Variants in MYH15 observed in about 807,000 individuals in gnomAD.
MYH15 encodes myosin-15.
In MYH15, 227 loss-of-function variants were observed where a neutral mutation model predicts 240.5. The observed-to-expected ratio is 0.94, with a 90% CI of 0.85 to 1.05. MYH15 has a LOEUF of 1.05. MYH15 is among the 50% of genes least tolerant of loss of function. The pLI is 0.00. For missense variants in MYH15, 2,217 were observed against 2,247.5 expected (o/e 0.99, Z 0.27); for synonymous variants, 785 against 796.7 (o/e 0.99, Z 0.25).
chr3:108,538,455 C>A, the MYH15 span, among the ~76,000 whole-genome samples: 1 of 152,152 alleles, frequency 6.6e-6, no homozygotes, highest in South Asian at 2.1e-4. Flanking sequence ...AAGAAGTAAA[C>A]CTCTTTAATT....
intron 37 of MYH15, 49 bp from the exon 38 acceptor site, chr3:108,389,123 A>C (rs898758950): frequency 1.3e-6 from 2 of 1,512,670 alleles, no homozygotes; most frequent in Non-Finnish European, 1.8e-6. Flanking sequence ...CAAGTCTGGC[A>C]TTCTATTTGC....
intron 9 of MYH15, among the ~76,000 whole-genome samples, chr3:108,488,770 T>C (rs546967497): frequency 6.6e-6 from 1 of 152,358 alleles, no homozygotes; most frequent in South Asian, 2.1e-4. Flanking sequence ...CTCTTCAGGA[T>C]ACTGAGTTCA....
At chr3:108,490,581 A>G (rs2083338660) in intron 9 of MYH15, among the ~76,000 whole-genome samples, 1 of 151,908 alleles carries the variant, frequency 6.6e-6, no homozygotes, top group South Asian at 2.1e-4. Flanking sequence ...TACCCTCTCT[A>G]CTCTACCACC....
At chr3:108,547,235 C>T in the MYH15 span, among the ~76,000 whole-genome samples, 5 of 151,940 alleles carry the variant, frequency 3.3e-5, no homozygotes, top group African/African-American at 1.2e-4. Context: ...ACCCCTGCCT[C>T]AAATGATCTG....
intron 24 of MYH15, among the ~76,000 whole-genome samples, chr3:108,439,469 C>T (rs2082867710): frequency 6.6e-6 from 1 of 152,180 alleles, no homozygotes; most frequent in South Asian, 2.1e-4. Flanking sequence ...AGTGATAACC[C>T]TTTACCATTC....
intron 12 of MYH15, among the ~76,000 whole-genome samples, chr3:108,472,872 T>C (rs111875351): frequency 8.2e-4 from 125 of 152,324 alleles, no homozygotes; most frequent in Middle Eastern, 3.4e-3. Flanking sequence ...AATCTATATT[T>C]CCACTTTTCA....
At position 108,396,564 on chromosome 3, in the gene MYH15, C is replaced by T. The variant is rs547489558; in HGVS notation, c.5133+2073G>A. Among the ~76,000 whole-genome samples the T allele has an allele frequency of 6.4e-4, 98 of 152,276 alleles. 1 individual carries two copies. The highest frequency in any genetic ancestry group is 1.0e-3 in the South Asian group (5 of 4,824). On this transcript the variant is annotated intron_variant, in intron 35 of 40. Coordinates refer to ENST00000693548, the MANE Select transcript of MYH15 (RefSeq NM_014981.3). ...AGCCCAGTTCCTAATAGGCCCCAGA[C>T]CTGTACTGGTCTGTGGCCCAGGGAT...
At chr3:108,437,751 C>A in intron 24 of MYH15, 52 bp from the exon 25 acceptor site, 1 of 1,542,224 alleles carries the variant, frequency 6.5e-7, no homozygotes, top group Non-Finnish European at 8.7e-7. Flanking sequence ...GTTTATACTT[C>A]ACTAGATGTG....
intron 33 of MYH15, among the ~76,000 whole-genome samples, chr3:108,402,293 G>T (rs1035187517): frequency 6.6e-6 from 1 of 152,208 alleles, no homozygotes; most frequent in Admixed American, 6.5e-5. Flanking sequence ...GACAATAAAA[G>T]AAACCAAGTC....
rs147130809 is a variant in MYH15, at chr3:108,503,991, T to C, written c.195+1732A>G. On this transcript the variant is annotated intron_variant, in intron 2 of 40. Transcript: ENST00000693548. ...TAAAAAGGAATGAAATATTTATTCA[T>C]GTGACAATGTGAGTGAACCTCAAAA... is the stretch of plus-strand genomic sequence containing the variant. Among the ~76,000 whole-genome samples, 580 of 152,342 alleles carry C rather than the reference T, an allele frequency of 3.8e-3. 11 individuals carry two copies. The highest frequency in any genetic ancestry group is 0.026 in the Admixed American group (391 of 15,298).
At chr3:108,387,570 T>C (rs2082393193) in intron 38 of MYH15, among the ~76,000 whole-genome samples, 1 of 151,798 alleles carries the variant, frequency 6.6e-6, no homozygotes, top group African/African-American at 2.4e-5. Flanking sequence ...CATAATGAAG[T>C]TGTTTACAGA....
At chr3:108,386,941 A>G (rs2082387780) in intron 38 of MYH15, among the ~76,000 whole-genome samples, 1 of 152,128 alleles carries the variant, frequency 6.6e-6, no homozygotes, top group African/African-American at 2.4e-5. Context: ...GACCTTCTAT[A>G]GCAGTTACAA....
At chr3:108,436,637 C>G (rs900856472) in intron 25 of MYH15, among the ~76,000 whole-genome samples, 2 of 152,280 alleles carry the variant, frequency 1.3e-5, no homozygotes, top group Admixed American at 6.5e-5. Flanking sequence ...CTCCTGGGTT[C>G]AAGCGATTCT....
At chr3:108,537,657 A>C in the MYH15 span, among the ~76,000 whole-genome samples, 1 of 152,218 alleles carries the variant, frequency 6.6e-6, no homozygotes, top group Non-Finnish European at 1.5e-5. Flanking sequence ...TGGACTTCCC[A>C]GATTCCAGAA....
the MYH15 span, among the ~76,000 whole-genome samples, chr3:108,547,782 GCAAC>G: frequency 3.9e-5 from 6 of 151,994 alleles, no homozygotes; most frequent in African/African-American, 1.5e-4. Flanking sequence ...TATCCACTTG[GCAAC>G]CAACCATCAA....
At chr3:108,402,106 T>C (rs542048523) in intron 33 of MYH15, among the ~76,000 whole-genome samples, 8 of 146,200 alleles carry the variant, frequency 5.5e-5, no homozygotes, top group Admixed American at 2.0e-4. Flanking sequence ...AATCTATGTA[T>C]GAGAAATAAG....
chr3:108,492,994 A>T, intron 8 of MYH15, 120 bp downstream of exon 8: 1 of 739,546 alleles, frequency 1.4e-6, no homozygotes, highest in Non-Finnish European at 2.2e-6. Context: ...AGAACGAGAG[A>T]GAGAGAAAAG....
chr3:108,410,464 A>C (rs2082580293), intron 31 of MYH15, 119 bp downstream of exon 31: 1 of 628,360 alleles, frequency 1.6e-6, no homozygotes, highest in Non-Finnish European at 2.5e-6. Context: ...CAGAAGTATA[A>C]AAATTGAAAA....
Position 108,470,817 on chromosome 3 carries a change from AC to A in MYH15, c.1263del (p.Lys421AsnfsTer11). On this transcript the variant is annotated frameshift_variant, in exon 13 of 41. Transcript: ENST00000693548. LOFTEE classifies it high-confidence loss of function. The stretch of plus-strand genomic sequence containing the variant: ...CACTTAAACATCCTTTCATACATTG[AC>A]TTGGACAGGGCACCGACAGCACAGG... The part of the protein sequence containing the change: ...QVTCAVGALS[K>X]SMYERMFKWL... 1 of 1,613,748 alleles carries A rather than the reference AC, an allele frequency of 6.2e-7. No homozygotes were observed. The highest frequency in any genetic ancestry group is 8.5e-7 in the Non-Finnish European group (1 of 1,179,802).
Sources: gnomAD v4.1 joint callset for allele counts (sites outside exome capture counted in the v4.1 genomes callset) on GRCh38, gnomAD v4.1.1 for gene constraint, MANE v1.5 for transcripts, NCBI Gene and HGNC (gene_info 2026-07-23, HGNC 2026-07-21) for gene names.